The following GRAMD1A variants were observed in gnomAD, a reference collection of about 807,000 sequenced individuals.
The protein encoded by GRAMD1A is protein Aster-A.
A neutral mutation model predicts 92.0 loss-of-function variants in GRAMD1A; 50 were observed. The ratio of observed to expected loss-of-function variants is 0.54; its 90% confidence interval spans 0.43 to 0.69. GRAMD1A has a LOEUF of 0.69. Among genes scored for constraint, GRAMD1A ranks in the 30% least tolerant of loss-of-function variants. GRAMD1A has a pLI of 0.00. For missense variants in GRAMD1A, 819 were observed against 978.9 expected (o/e 0.84, Z 2.18); for synonymous variants, 405 against 403.6 (o/e 1.00, Z -0.04).
rs879919880 is a variant in GRAMD1A at position 35,022,694 on chromosome 19, C to CGGG, written c.1842-206_1842-205insGGG. On this transcript the variant is annotated intron_variant, in intron 16 of 19. Transcript: ENST00000317991. ...GCAGGACGCTGGGAGGAAACAGAAG[C>CGGG]AGGATCCCGGGGTTGAGCAGACCCT... is the stretch of plus-strand genomic sequence containing the variant. Among the ~76,000 whole-genome samples, 139 of 152,232 alleles carry CGGG rather than the reference C, an allele frequency of 9.1e-4. 11 individuals carry two copies. The Middle Eastern group carries it at 0.01, about 11-fold the overall frequency.
At chr19:35,004,566 C>T (rs1177020266) in intron 1 of GRAMD1A, among the ~76,000 whole-genome samples, 1 of 152,190 alleles carries the variant, frequency 6.6e-6, no homozygotes, top group Non-Finnish European at 1.5e-5. Context: ...TTCCCTGTTT[C>T]AGCGTCAGGT....
chr19:35,018,346 G>C (rs2902173), intron 11 of GRAMD1A, among the ~76,000 whole-genome samples: 55,662 of 151,930 alleles, frequency 0.37, 10,393 homozygotes, highest in Middle Eastern at 0.48. Context: ...GAGCAAGTGA[G>C]AGAGAGTGGA....
chr19:35,006,402 T>C (rs2014818297), intron 1 of GRAMD1A, among the ~76,000 whole-genome samples: 1 of 152,232 alleles, frequency 6.6e-6, no homozygotes, highest in Admixed American at 6.5e-5. Context: ...TTTCCTCCTC[T>C]GTAAAGCAGG....
intron 11 of GRAMD1A, 145 bp downstream of exon 11, chr19:35,016,112 C>T (rs59900101): frequency 0.3 from 240,022 of 812,176 alleles, 37,776 homozygotes; most frequent in Middle Eastern, 0.43. Context: ...CCAGAAGCAG[C>T]TCTGCCACTT....
chr19:34,998,173 C>T (rs1465538797), upstream of GRAMD1A: 2 of 151,524 alleles, frequency 1.3e-5, no homozygotes, highest in African/African-American at 4.9e-5. Context: ...GATGGGGAGC[C>T]AGGCCTTTGG....
intron 1 of GRAMD1A, among the ~76,000 whole-genome samples, chr19:35,006,396 C>T (rs925616249): frequency 6.6e-6 from 1 of 152,210 alleles, no homozygotes; most frequent in African/African-American, 2.4e-5. Context: ...AGCTAGTTTC[C>T]TCCTCTGTAA....
At chr19:35,002,068 C>CTAGG (rs1491266011) in intron 1 of GRAMD1A, among the ~76,000 whole-genome samples, 1 of 152,008 alleles carries the variant, frequency 6.6e-6, no homozygotes, top group East Asian at 1.9e-4. Context: ...GTGCCTAGGC[C>CTAGG]TCTCTGTGTA....
chr19:35,024,510 G>A (rs924808899), intron 19 of GRAMD1A, among the ~76,000 whole-genome samples: 22 of 151,990 alleles, frequency 1.4e-4, no homozygotes, highest in Non-Finnish European at 2.2e-4. Context: ...TTAGGCACTC[G>A]GGGAAGGTGT....
chr19:35,011,395 A>T, intron 6 of GRAMD1A, 79 bp from the exon 7 acceptor site: 4 of 999,872 alleles, frequency 4.0e-6, no homozygotes, highest in Non-Finnish European at 6.3e-6. Flanking sequence ...GTCAGCGCAG[A>T]TGAGGGTGGC....
chr19:34,995,263 TG>T (rs2013979817), intron 1 of GRAMD1A, among the ~76,000 whole-genome samples: 2 of 151,930 alleles, frequency 1.3e-5, no homozygotes, highest in African/African-American at 4.8e-5. Flanking sequence ...AGGGCAGGAG[TG>T]GGTACAGAGA....
upstream of GRAMD1A, among the ~76,000 whole-genome samples, chr19:34,996,883 T>A (rs375411020): frequency 1.3e-3 from 197 of 152,240 alleles, no homozygotes; most frequent in African/African-American, 4.1e-3. Flanking sequence ...AAGACCCATT[T>A]AAGGGCCATA....
At chr19:35,003,379 A>G (rs1357084169) in intron 1 of GRAMD1A, among the ~76,000 whole-genome samples, 12 of 152,126 alleles carry the variant, frequency 7.9e-5, no homozygotes, top group Admixed American at 7.9e-4. Context: ...GAAGCAAAAC[A>G]ACATCCCTTC....
rs3072398 is a variant in GRAMD1A, at chr19:35,000,422, AGCCCT to A, written c.-34_-30del. ...AGCGCAGCCCAGCCCCGCGCAGCCC[AGCCCT>A]GCCCTGCCCTGCCCTGCCCTGCGCC... On this transcript the variant is annotated 5_prime_UTR_variant, in exon 1 of 20. Transcript: ENST00000317991. This position sits in a 1 kb window ranked among gnomAD's most constrained non-coding sequence, Gnocchi z 4.9. 309 of 1,138,056 alleles carry A rather than the reference AGCCCT, an allele frequency of 2.7e-4. 1 individual carries two copies. The East Asian group carries it at 5.3e-3, about 20-fold the overall frequency. 70.5% of individuals were successfully genotyped at this position (1,138,056 alleles called of 1,614,324 possible).
intron 13 of GRAMD1A, among the ~76,000 whole-genome samples, chr19:35,019,739 G>A (rs1046742156): frequency 2.6e-5 from 4 of 152,158 alleles, no homozygotes; most frequent in African/African-American, 9.7e-5. Context: ...GGGTGTTTGA[G>A]CCTCAAGACT....
At chr19:35,001,233 CTG>C (rs1275819174) in intron 1 of GRAMD1A, 2 of 152,372 alleles carry the variant, frequency 1.3e-5, no homozygotes, top group Non-Finnish European at 2.9e-5. Context: ...GACCGCGGCT[CTG>C]TGTGTCACTG....
rs1352258807 is a variant in GRAMD1A, at chr19:35,013,858, A to G, written c.870+167A>G. On this transcript the variant is annotated intron_variant, in intron 9 of 19. Coordinates refer to ENST00000317991, the MANE Select transcript of GRAMD1A (RefSeq NM_020895.5). The surrounding 1 kb of genome is among the most constrained non-coding windows in gnomAD (Gnocchi z 4.9). ...AGGGAGGGGAAGACGGACATGTGACAGGGAAAGAGAGACAGGGAAGAGAGG... is the reference window on the plus strand; with the variant it reads ...AGGGAGGGGAAGACGGACATGTGACGGGGAAAGAGAGACAGGGAAGAGAGG... 2.0e-5 allele frequency among the ~76,000 whole-genome samples: 3 copies of G among 152,248 alleles called. No individual in the cohort carries two copies.
chr19:35,022,155 C>T, intron 16 of GRAMD1A, 117 bp downstream of exon 16: 1 of 690,682 alleles, frequency 1.4e-6, no homozygotes, highest in African/African-American at 1.8e-5. Flanking sequence ...CGTGGGTTTG[C>T]TCACAGCAAG....
rs1229219054 is a variant in GRAMD1A, at chr19:35,019,206, C to G, written c.1229C>G (p.Pro410Arg). The G allele has an allele frequency of 9.9e-6, 16 of 1,611,262 alleles. No individual in the cohort carries two copies. The highest frequency in any genetic ancestry group is 1.4e-5 in the Non-Finnish European group (16 of 1,178,000). Residue 410 changes from proline to arginine, a missense_variant, in exon 12 of 20, where the codon CCC becomes CGC. Transcript: ENST00000317991. ...CCTCCTCTAGACGTGACGCTGAGCCCCTGGAGTGGGGACAGCAAGTGCCAC... is the reference window on the plus strand; with the variant it reads ...CCTCCTCTAGACGTGACGCTGAGCCGCTGGAGTGGGGACAGCAAGTGCCAC... ...QCKFTDVTLS[P>R]WSGDSKCHQR...
chr19:35,023,576 G>A (rs753784024), intron 19 of GRAMD1A, 29 bp downstream of exon 19: 10 of 1,544,168 alleles, frequency 6.5e-6, no homozygotes, highest in Non-Finnish European at 8.7e-6. Flanking sequence ...GCAGGGCTCG[G>A]GGCTGCGGGG....
Sources: allele counts gnomAD v4.1 joint callset (sites outside exome capture counted in the v4.1 genomes callset), GRCh38; gene constraint gnomAD v4.1.1; non-coding constraint Gnocchi (gnomAD v3.1); transcripts MANE v1.5; gene names NCBI Gene and HGNC (gene_info 2026-07-23, HGNC 2026-07-21).